Variants in SAMSN1 observed in about 807,000 individuals in gnomAD.
SAMSN1 encodes the protein SAM domain, SH3 domain and nuclear localization signals 1, also known as SAM domain-containing protein SAMSN-1.
A neutral mutation model predicts 42.0 loss-of-function variants in SAMSN1; 31 were observed. The ratio of observed to expected loss-of-function variants is 0.74; its 90% confidence interval spans 0.55 to 1.00. SAMSN1 has a LOEUF of 1.00. SAMSN1 is among the 50% of genes least tolerant of loss of function. SAMSN1 has a pLI of 0.00. For missense variants in SAMSN1, 464 were observed against 439.4 expected (o/e 1.06, Z -0.50); for synonymous variants, 178 against 151.9 (o/e 1.17, Z -1.26).
intron 2 of SAMSN1, among the ~76,000 whole-genome samples, chr21:14,628,316 T>C (rs1481731184): frequency 6.6e-6 from 1 of 152,138 alleles, no homozygotes; most frequent in Non-Finnish European, 1.5e-5. Context: ...ATATTTGAGA[T>C]GATGGACGTG....
chr21:14,518,882 T>C (rs73173218), intron 2 of SAMSN1, among the ~76,000 whole-genome samples: 2,193 of 152,272 alleles, frequency 0.014, 39 homozygotes, highest in Middle Eastern at 0.058. Context: ...CTACTTAAAC[T>C]TTCTCTGTCT....
intron 5 of SAMSN1, among the ~76,000 whole-genome samples, chr21:14,604,502 C>T (rs1982515997): frequency 6.6e-6 from 1 of 152,082 alleles, no homozygotes; most frequent in Non-Finnish European, 1.5e-5. Context: ...TGCTTGAGGC[C>T]AGGAGTTTCA....
At chr21:14,635,907 C>G (rs534042557) in intron 2 of SAMSN1, among the ~76,000 whole-genome samples, 3 of 151,926 alleles carry the variant, frequency 2.0e-5, no homozygotes, top group East Asian at 1.9e-4. Context: ...GTTTGCTGCA[C>G]CCATCAGCTC....
At chr21:14,636,280 A>G (rs1983465433) in intron 2 of SAMSN1, among the ~76,000 whole-genome samples, 1 of 152,056 alleles carries the variant, frequency 6.6e-6, no homozygotes, top group African/African-American at 2.4e-5. Context: ...TATTTTTCCT[A>G]CCATCGTTCC....
At chr21:14,609,084 T>A (rs1303993027) in intron 5 of SAMSN1, among the ~76,000 whole-genome samples, 4 of 152,096 alleles carry the variant, frequency 2.6e-5, no homozygotes, top group Non-Finnish European at 5.9e-5. Context: ...TTCTCTTAAA[T>A]TTTTTAAGAA....
intron 1 of SAMSN1, among the ~76,000 whole-genome samples, chr21:14,544,474 A>G (rs577349001): frequency 6.6e-5 from 10 of 152,366 alleles, no homozygotes; most frequent in African/African-American, 2.2e-4. Context: ...TCCATGTTAA[A>G]AGGAAACAAT....
At chr21:14,500,497 TC>T (rs1568768429) in intron 6 of SAMSN1, 31 bp downstream of exon 6, 1 of 1,590,032 alleles carries the variant, frequency 6.3e-7, no homozygotes, top group Admixed American at 1.7e-5. Context: ...TTTACATGCT[TC>T]CAAAAGCAAA....
At chr21:14,522,943 G>A (rs562016259) in intron 1 of SAMSN1, among the ~76,000 whole-genome samples, 4 of 152,200 alleles carry the variant, frequency 2.6e-5, no homozygotes, top group Non-Finnish European at 5.9e-5. Context: ...ATTTGGACAC[G>A]CCAATGCCAA....
intron 6 of SAMSN1, among the ~76,000 whole-genome samples, chr21:14,599,124 A>G (rs1016899874): frequency 6.6e-6 from 1 of 152,196 alleles, no homozygotes; most frequent in African/African-American, 2.4e-5. Flanking sequence ...TTGTTTCCAA[A>G]CTTCATGTTG....
At chr21:14,658,311 G>T (rs2123405530) in intron 1 of SAMSN1, among the ~76,000 whole-genome samples, 1 of 151,958 alleles carries the variant, frequency 6.6e-6, no homozygotes, top group East Asian at 1.9e-4. Flanking sequence ...TACCTCCATG[G>T]AAGTTTAACC....
At chr21:14,650,003 T>C (rs1983804238) in intron 1 of SAMSN1, among the ~76,000 whole-genome samples, 1 of 152,104 alleles carries the variant, frequency 6.6e-6, no homozygotes, top group African/African-American at 2.4e-5. Context: ...ACATTTTGAA[T>C]ATATATATGC....
intron 2 of SAMSN1, among the ~76,000 whole-genome samples, chr21:14,520,880 T>C (rs888587020): frequency 6.6e-6 from 1 of 151,938 alleles, no homozygotes; most frequent in African/African-American, 2.4e-5. Flanking sequence ...AGTTCCTCTT[T>C]TTTTTTTTCC....
chr21:14,591,798 G>A (rs456811), intron 7 of SAMSN1: 119,565 of 151,956 alleles, frequency 0.79, 47,715 homozygotes, highest in African/African-American at 0.89. Context: ...GTCCTAACAT[G>A]ATATTCTAGC....
intron 7 of SAMSN1, 80 bp from the exon 8 acceptor site, chr21:14,486,194 A>G: frequency 1.0e-6 from 1 of 960,568 alleles, no homozygotes; most frequent in Non-Finnish European, 1.6e-6. Context: ...TTCAAGTATT[A>G]TCCTATTTTA....
intron 2 of SAMSN1, among the ~76,000 whole-genome samples, chr21:14,626,499 C>T (rs1456206705): frequency 6.6e-6 from 1 of 152,208 alleles, no homozygotes; most frequent in Non-Finnish European, 1.5e-5. Flanking sequence ...CAAAAGAAGA[C>T]ATTTATGCAG....
upstream of SAMSN1, among the ~76,000 whole-genome samples, chr21:14,550,158 A>T (rs971064282): frequency 3.3e-5 from 5 of 152,046 alleles, no homozygotes; most frequent in Admixed American, 2.6e-4. Context: ...AAATGACGGG[A>T]TGGATATTCC....
At chr21:14,616,125 C>T (rs576456982) in intron 2 of SAMSN1, 16 of 364,644 alleles carry the variant, frequency 4.4e-5, no homozygotes, top group Middle Eastern at 7.6e-4. Flanking sequence ...ATAATCCAAA[C>T]GTAGTTCCTT....
chr21:14,538,277 A>C (rs1238215211), intron 1 of SAMSN1, among the ~76,000 whole-genome samples: 1 of 152,188 alleles, frequency 6.6e-6, no homozygotes, highest in Non-Finnish European at 1.5e-5. Context: ...CTGTTTGAAA[A>C]GGCAAACATT....
intron 5 of SAMSN1, among the ~76,000 whole-genome samples, chr21:14,605,386 G>T (rs1409851647): frequency 6.6e-6 from 1 of 152,142 alleles, no homozygotes; most frequent in African/African-American, 2.4e-5. Context: ...AGCATTTAGA[G>T]GTATGAAGTA....
Sources: allele counts gnomAD v4.1 joint callset (sites outside exome capture counted in the v4.1 genomes callset), GRCh38; gene constraint gnomAD v4.1.1; transcripts MANE v1.5; gene names NCBI Gene and HGNC (gene_info 2026-07-23, HGNC 2026-07-21).